Variants in CNGB3 observed in about 807,000 individuals in gnomAD.
The protein encoded by CNGB3 is cyclic nucleotide gated channel subunit beta 3, also known as cyclic nucleotide-gated channel beta-3.
CNGB3 carries 86 observed loss-of-function variants against 92.8 expected under a neutral mutation model. The ratio of observed to expected loss-of-function variants is 0.93; its 90% confidence interval spans 0.78 to 1.11. The LOEUF (loss-of-function observed/expected upper bound fraction) is 1.11. Among genes scored for constraint, CNGB3 ranks in the 50% least tolerant of loss-of-function variants. CNGB3 has a pLI of 0.00. For missense variants in CNGB3, 1,026 were observed against 956.8 expected, an observed-to-expected ratio of 1.07 and a Z score of -0.95; for synonymous variants, 333 against 332.7, an observed-to-expected ratio of 1.00 and a Z score of -0.01.
chr8:86,725,003 C>A (rs1035694872), intron 3 of CNGB3, among the ~76,000 whole-genome samples: 1 of 152,068 alleles, frequency 6.6e-6, no homozygotes, highest in South Asian at 2.1e-4. Flanking sequence ...TGCTGATTGA[C>A]CCCTGGGTAA....
At chr8:86,578,923 C>T in intron 16 of CNGB3, 60 bp from the exon 17 acceptor site, 1 of 1,603,782 alleles carries the variant, frequency 6.2e-7, no homozygotes, top group South Asian at 1.1e-5. Flanking sequence ...GCAAAATCTA[C>T]TAAAAAAACT....
intron 17 of CNGB3, among the ~76,000 whole-genome samples, chr8:86,577,692 C>A (rs1263505229): frequency 4.6e-5 from 7 of 152,134 alleles, no homozygotes. Context: ...ATATTGAACT[C>A]ATGCAAACAG....
chr8:86,587,177 T>A, intron 15 of CNGB3, among the ~76,000 whole-genome samples: 2 of 148,032 alleles, frequency 1.4e-5, no homozygotes, highest in African/African-American at 5.0e-5. Flanking sequence ...CACTTTTTGA[T>A]GGGGTTGTTT....
rs115361569 is a variant in CNGB3 at position 86,692,024 on chromosome 8, T to C, written c.339-20926A>G. ...AACAGGTGATTTAATTTTCATGTATTTGCATGGCTTCGAGGGTTCCTTTTG... is the reference window on the plus strand; with the variant it reads ...AACAGGTGATTTAATTTTCATGTATCTGCATGGCTTCGAGGGTTCCTTTTG... On this transcript the variant is annotated intron_variant, in intron 3 of 17. Coordinates refer to ENST00000320005, the MANE Select transcript of CNGB3 (RefSeq NM_019098.5). 3.9e-3 allele frequency among the ~76,000 whole-genome samples: 597 copies of C among 152,360 alleles called. 7 individuals carry two copies. The highest frequency in any genetic ancestry group is 0.014 in the African/African-American group (567 of 41,580).
intron 4 of CNGB3, 40 bp downstream of exon 4, chr8:86,670,904 C>G: frequency 6.2e-7 from 1 of 1,609,548 alleles, no homozygotes; most frequent in Non-Finnish European, 8.5e-7. Flanking sequence ...GTCCCCTCAG[C>G]ACTTCTTTCT....
At position 86,648,668 on chromosome 8, in the gene CNGB3, T is replaced by A. The variant is rs1823338363; in HGVS notation, c.904-781A>T. On this transcript the variant is annotated intron_variant, in intron 7 of 17. Transcript: ENST00000320005. ...AAATTCTTTTGTGTAAAATAATTAT[T>A]CATTTTTATTAAATTTTACATGGTC... Among the ~76,000 whole-genome samples the A allele has an allele frequency of 3.3e-5, 5 of 151,250 alleles. No individual in the cohort carries two copies. In the South Asian group the frequency reaches 1.0e-3, roughly 31 times the overall value.
chr8:86,603,509 T>C (rs1355267257), intron 15 of CNGB3, among the ~76,000 whole-genome samples: 1 of 152,180 alleles, frequency 6.6e-6, no homozygotes, highest in Non-Finnish European at 1.5e-5. Flanking sequence ...AAATAATTGA[T>C]ATTTATTGAG....
intron 15 of CNGB3, among the ~76,000 whole-genome samples, 164 bp from the exon 16 acceptor site, chr8:86,579,416 A>G (rs1481349303): frequency 6.6e-6 from 1 of 152,230 alleles, no homozygotes; most frequent in Non-Finnish European, 1.5e-5. Flanking sequence ...ATGTGGGAAT[A>G]GAAATGGCTC....
At chr8:86,653,914 C>G (rs535410405) in intron 7 of CNGB3, 98 bp downstream of exon 7, 87 of 839,848 alleles carry the variant, frequency 1.0e-4, no homozygotes, top group Admixed American at 6.9e-4. Flanking sequence ...AATAAAACTT[C>G]GTATGTACAA....
chr8:86,660,607 C>A (rs188971426), intron 6 of CNGB3: 2 of 534,090 alleles, frequency 3.7e-6, no homozygotes, highest in East Asian at 1.1e-4. Context: ...CTCCAAACTG[C>A]ACTCTGGCTT....
In CNGB3 at chr8:86,604,330, T is replaced by A. The variant is rs907747414; in HGVS notation, c.1663-119A>T. On this transcript the variant is annotated intron_variant, in intron 14 of 17. Coordinates refer to ENST00000320005, the MANE Select transcript of CNGB3 (RefSeq NM_019098.5). ...TATAAATGAAGGAAGCAAAGAACAT[T>A]AGTGTAAAATTAATTATCTTAAGAC... 3.9e-5 allele frequency: 26 copies of A among 668,634 alleles called. No homozygotes were observed. In the African/African-American group the frequency reaches 4.6e-4, roughly 12 times the overall value. The allele number at this position is 668,634 out of a possible 1,614,324, so 41.4% of individuals were successfully genotyped here. A position where few individuals can be genotyped will look rare whatever the true frequency, so the allele number is the denominator to read the frequency against.
At chr8:86,597,152 C>A (rs112703388) in intron 15 of CNGB3, among the ~76,000 whole-genome samples, 2 of 152,062 alleles carry the variant, frequency 1.3e-5, no homozygotes, top group Non-Finnish European at 2.9e-5. Context: ...GCACATGTAC[C>A]CCAGAACGTA....
intron 15 of CNGB3, among the ~76,000 whole-genome samples, chr8:86,591,753 C>T (rs1822043006): frequency 1.3e-5 from 2 of 152,214 alleles, no homozygotes; most frequent in African/African-American, 2.4e-5. Flanking sequence ...AGCTGTCAGA[C>T]AGGGACATTT....
chr8:86,694,750 G>A (rs1824412253), intron 3 of CNGB3, among the ~76,000 whole-genome samples: 1 of 152,078 alleles, frequency 6.6e-6, no homozygotes, highest in East Asian at 1.9e-4. Flanking sequence ...ATGGCGGCGG[G>A]GAAGAGGCGC....
chr8:86,671,780 C>A (rs995027116), intron 3 of CNGB3, among the ~76,000 whole-genome samples: 1 of 152,120 alleles, frequency 6.6e-6, no homozygotes, highest in Admixed American at 6.5e-5. Flanking sequence ...ACTGCGGGAA[C>A]TGATTTTGCC....
chr8:86,682,466 A>AC (rs1173794685), intron 3 of CNGB3, among the ~76,000 whole-genome samples: 1 of 152,154 alleles, frequency 6.6e-6, no homozygotes, highest in African/African-American at 2.4e-5. Context: ...GGCCAGTTTG[A>AC]CAGGGGGATT....
intron 3 of CNGB3, among the ~76,000 whole-genome samples, chr8:86,720,839 T>TATATACAC (rs1554618004): frequency 7.7e-6 from 1 of 129,886 alleles, no homozygotes. Flanking sequence ...TATATATGTA[T>TATATACAC]ACACACACAC....
At chr8:86,586,361 G>A (rs574521459) in intron 15 of CNGB3, among the ~76,000 whole-genome samples, 120 of 151,642 alleles carry the variant, frequency 7.9e-4, no homozygotes, top group Non-Finnish European at 1.0e-3. Context: ...TATACTTTAA[G>A]TTTTAGAGTA....
At chr8:86,739,779 A>G in intron 1 of CNGB3, 43 bp from the exon 2 acceptor site, 1 of 1,600,480 alleles carries the variant, frequency 6.2e-7, no homozygotes, top group Non-Finnish European at 8.5e-7. Flanking sequence ...GAATTTACAT[A>G]AAAATGAAGT....
Sources: gnomAD v4.1 joint callset for allele counts (sites outside exome capture counted in the v4.1 genomes callset) on GRCh38, gnomAD v4.1.1 for gene constraint, MANE v1.5 for transcripts, NCBI Gene and HGNC (gene_info 2026-07-23, HGNC 2026-07-21) for gene names.